Variants in ABCA13 observed in about 807,000 individuals in gnomAD.
ABCA13 encodes the protein ATP-binding cassette sub-family A member 13.
In ABCA13, 476 loss-of-function variants were observed where a neutral mutation model predicts 478.7. That is an observed-to-expected ratio of 0.99 (90% confidence interval 0.92 to 1.07). The LOEUF (loss-of-function observed/expected upper bound fraction) is 1.07. Ranked by LOEUF, ABCA13 falls within the 50% of genes least tolerant of loss-of-function variation. ABCA13 has a pLI of 0.00. For missense variants in ABCA13, 6,060 were observed against 5,910.6 expected (o/e 1.03, Z -0.83); for synonymous variants, 2,252 against 2,158.9 (o/e 1.04, Z -1.20).
intron 50 of ABCA13, among the ~76,000 whole-genome samples, chr7:48,509,526 A>G (rs887171944): frequency 2.0e-5 from 3 of 152,072 alleles, no homozygotes; most frequent in Non-Finnish European, 2.9e-5. Flanking sequence ...CCCTTAGTTT[A>G]TTATCTCTTT....
At chr7:48,526,349 G>A (rs568359422) in intron 54 of ABCA13, among the ~76,000 whole-genome samples, 1 of 152,234 alleles carries the variant, frequency 6.6e-6, no homozygotes, top group African/African-American at 2.4e-5. Flanking sequence ...GTAAAACATT[G>A]ACAGAATGAT....
chr7:48,547,520 T>C (rs1260390464), intron 55 of ABCA13, among the ~76,000 whole-genome samples: 2 of 151,938 alleles, frequency 1.3e-5, no homozygotes, highest in African/African-American at 2.4e-5. Flanking sequence ...TGGGTTTCCC[T>C]GCTGCTTGCT....
chr7:48,621,570 A>C (rs561656233), intron 59 of ABCA13, among the ~76,000 whole-genome samples: 1 of 152,284 alleles, frequency 6.6e-6, no homozygotes, highest in East Asian at 1.9e-4. Context: ...CAAATTCTAC[A>C]TTCATTATTT....
At chr7:48,267,818 G>C (rs1795065952) in intron 15 of ABCA13, among the ~76,000 whole-genome samples, 1 of 151,892 alleles carries the variant, frequency 6.6e-6, no homozygotes, top group Non-Finnish European at 1.5e-5. Context: ...ATATTTTTCT[G>C]CTTCTTTACA....
chr7:48,378,017 A>G (rs1456028780), intron 35 of ABCA13, among the ~76,000 whole-genome samples: 1 of 152,196 alleles, frequency 6.6e-6, no homozygotes, highest in Non-Finnish European at 1.5e-5. Flanking sequence ...TCTTGGGGCA[A>G]TATTTTTCTA....
At chr7:48,643,432 T>A in intron 60 of ABCA13, 39 bp downstream of exon 60, 1 of 1,400,846 alleles carries the variant, frequency 7.1e-7, no homozygotes, top group Non-Finnish European at 9.9e-7. Context: ...TGTTTTCAGC[T>A]AAAAAAAAAT....
intron 1 of ABCA13, among the ~76,000 whole-genome samples, chr7:48,171,939 T>C (rs1381746080): frequency 6.6e-6 from 1 of 152,182 alleles, no homozygotes; most frequent in East Asian, 1.9e-4. Context: ...ATGCTACAGG[T>C]ACTGACTCCG....
At chr7:48,583,407 G>T (rs989993157) in intron 56 of ABCA13, among the ~76,000 whole-genome samples, 11 of 152,112 alleles carry the variant, frequency 7.2e-5, no homozygotes, top group African/African-American at 2.7e-4. Flanking sequence ...TCACAGAAAT[G>T]TTGACCTGGC....
In ABCA13 at chr7:48,272,113, C is replaced by A; in HGVS notation, c.2447C>A (p.Pro816Gln). 4 of 1,613,378 alleles carry A rather than the reference C, an allele frequency of 2.5e-6. No individual in the cohort carries two copies. Among genetic ancestry groups the A allele is most frequent in the Non-Finnish European group, 3.4e-6 (4 of 1,179,656 alleles). Residue 816 changes from proline to glutamine, a missense_variant, in exon 17 of 62, where the codon CCA becomes CAA. Transcript: ENST00000435803. ...TLGSHWIRKEPKNLLRFIELI... is the reference protein window; with the variant it reads ...TLGSHWIRKEQKNLLRFIELI... ...GGAAGTCACTGGATAAGGAAGGAACCAAAAAATCTTTTGAGATTCATAGAA... is the reference window on the plus strand; with the variant it reads ...GGAAGTCACTGGATAAGGAAGGAACAAAAAAATCTTTTGAGATTCATAGAA...
intron 5 of ABCA13, among the ~76,000 whole-genome samples, chr7:48,224,314 G>A (rs1203583863): frequency 2.0e-5 from 3 of 152,182 alleles, no homozygotes; most frequent in Admixed American, 1.3e-4. Context: ...GACTCACATT[G>A]CCTGGGACTG....
chr7:48,272,938 T>C lies in ABCA13; in HGVS notation c.3272T>C (p.Val1091Ala), dbSNP rs1293410916. The C allele has an allele frequency of 6.2e-7, 1 of 1,613,048 alleles. No homozygotes were observed. Among genetic ancestry groups the C allele is most frequent in the Non-Finnish European group, 8.5e-7 (1 of 1,179,474 alleles). Reference sequence around the variant, plus strand: ...ATGAGCCAATTCTTCAACAGTTCAGTAGAAGACCTATTGGATAATAAATGC... The same window carrying C: ...ATGAGCCAATTCTTCAACAGTTCAGCAGAAGACCTATTGGATAATAAATGC... ...QYMSQFFNSSVEDLLDNKCLI... is the reference protein window; with the variant it reads ...QYMSQFFNSSAEDLLDNKCLI... Residue 1091 changes from valine (V) to alanine (A), a missense_variant, in exon 17 of 62, where the codon GTA becomes GCA. By Grantham distance (64) the Val-to-Ala change is moderately conservative. This residue lies in a region of ABCA13 where 4,423 missense variants were observed against 4,309.1 expected (regional missense o/e 1.03). Transcript: ENST00000435803.
chr7:48,278,070 GTA>G (rs59259655), intron 17 of ABCA13, 22 bp from the exon 18 acceptor site: 8,077 of 733,294 alleles, frequency 0.011, 5 homozygotes, highest in East Asian at 0.03. Context: ...TAAATTAAAA[GTA>G]TATATATATA....
intron 44 of ABCA13, among the ~76,000 whole-genome samples, chr7:48,468,729 T>A (rs1827156711): frequency 6.6e-6 from 1 of 152,206 alleles, no homozygotes; most frequent in African/African-American, 2.4e-5. Context: ...AGAGGAAACA[T>A]TTTAAAATAA....
At chr7:48,345,565 C>T (rs1045942008) in intron 29 of ABCA13, among the ~76,000 whole-genome samples, 2 of 152,000 alleles carry the variant, frequency 1.3e-5, no homozygotes, top group African/African-American at 4.8e-5. Context: ...AACAAGCTAG[C>T]TCATAGAATA....
At chr7:48,334,379 G>C (rs1281331579) in intron 27 of ABCA13, among the ~76,000 whole-genome samples, 3 of 149,260 alleles carry the variant, frequency 2.0e-5, no homozygotes, top group Admixed American at 6.7e-5. Flanking sequence ...CTGTTGCCCA[G>C]GTTGGAGCAC....
intron 31 of ABCA13, among the ~76,000 whole-genome samples, chr7:48,360,721 T>C (rs750760949): frequency 2.0e-5 from 3 of 152,038 alleles, no homozygotes; most frequent in Non-Finnish European, 4.4e-5. Flanking sequence ...CGCAAAGTCT[T>C]GCCAAGAGTT....
intron 35 of ABCA13, among the ~76,000 whole-genome samples, chr7:48,382,864 C>T (rs138163490): frequency 1.2e-3 from 184 of 151,946 alleles, no homozygotes; most frequent in Admixed American, 3.1e-3. Context: ...GAGGGTGTGA[C>T]TAGTTGATTT....
At chr7:48,524,487 A>C (rs2131004305) in intron 54 of ABCA13, 47 bp downstream of exon 54, 1 of 1,512,086 alleles carries the variant, frequency 6.6e-7, no homozygotes, top group Non-Finnish European at 9.0e-7. Context: ...GAACCTGTAC[A>C]ACTCTAGTAG....
chr7:48,330,626 CATCT>C (rs1805220168), intron 27 of ABCA13, among the ~76,000 whole-genome samples: 4 of 151,688 alleles, frequency 2.6e-5, no homozygotes, highest in Admixed American at 1.3e-4. Flanking sequence ...TCCATCCATT[CATCT>C]ATCTGTCCAT....
Sources: allele counts gnomAD v4.1 joint callset (sites outside exome capture counted in the v4.1 genomes callset), GRCh38; gene constraint gnomAD v4.1.1; regional missense constraint gnomAD v4.1.1; transcripts MANE v1.5; gene names NCBI Gene and HGNC (gene_info 2026-07-23, HGNC 2026-07-21).